The following CHDH variants were observed in gnomAD, a reference collection of about 807,000 sequenced individuals.
CHDH encodes choline dehydrogenase.
CHDH carries 43 observed loss-of-function variants against 56.9 expected under a neutral mutation model. The ratio of observed to expected loss-of-function variants is 0.76; its 90% CI spans 0.59 to 0.97. The LOEUF (loss-of-function observed/expected upper bound fraction) is 0.97. Among genes scored for constraint, CHDH ranks in the 50% least tolerant of loss-of-function variants. CHDH has a pLI of 0.00. For synonymous variants in CHDH, 364 were observed against 348.5 expected (o/e 1.04, Z -0.50); for missense variants, 816 against 821.1 (o/e 0.99, Z 0.08).
In CHDH at chr3:53,818,407, C is replaced by T. The variant is rs77681479; in HGVS notation, c.1367-212G>A. Reference sequence around the variant, plus strand: ...TGTAGCTCAAAGGTAGCATCCTACACGGACACAGCCCACCCAGAGGCCCAG... The same window carrying T: ...TGTAGCTCAAAGGTAGCATCCTACATGGACACAGCCCACCCAGAGGCCCAG... On this transcript the variant is annotated intron_variant, in intron 8 of 8. Transcript: ENST00000315251. Among the ~76,000 whole-genome samples the T allele has an allele frequency of 6.5e-3, 985 of 152,298 alleles. 9 individuals are homozygous for T. The highest frequency in any genetic ancestry group is 0.022 in the African/African-American group (933 of 41,560).
At chr3:53,818,617 C>T (rs543443053) in intron 8 of CHDH, among the ~76,000 whole-genome samples, 1 of 152,264 alleles carries the variant, frequency 6.6e-6, no homozygotes, top group South Asian at 2.1e-4. Flanking sequence ...AGAGACTGCT[C>T]AGAGTGACAA....
Position 53,815,345 on chromosome 3 carries a change from A to G in CHDH, c.*2432T>C, listed in dbSNP as rs1204688335. On this transcript the variant is annotated 3_prime_UTR_variant, in exon 9 of 9. Transcript: ENST00000315251. The stretch of plus-strand genomic sequence containing the variant: ...TGGGGGGGTACCCTCTGTGCACCCC[A>G]CTTTGTAGCAAGTGCCTTTCTCCCC... 1.3e-5 allele frequency: 2 copies of G among 152,218 alleles called. No homozygotes were observed. Among genetic ancestry groups the G allele is most frequent in the African/African-American group, 2.4e-5 (1 of 41,448 alleles). The allele number at this position is 152,218 out of a possible 1,614,324, so 9.4% of individuals were successfully genotyped here. A position where few individuals can be genotyped will look rare whatever the true frequency, so the allele number is the denominator to read the frequency against.
rs760502555 is a variant in CHDH at position 53,821,772 on chromosome 3, T to C, written c.860A>G (p.Tyr287Cys). Residue 287 changes from tyrosine (Y) to cysteine (C), a missense_variant, in exon 5 of 9, where the codon TAT becomes TGT. By Grantham distance (194) the Tyr-to-Cys change is radical. Coordinates refer to ENST00000315251, the MANE Select transcript of CHDH (RefSeq NM_018397.5). Reference sequence around the variant, plus strand: ...ACTCAGAATCACCTCCTTGCTGGCATAAGCCTGGAAGAGGTCCAGCCAGGT... The same window carrying C: ...ACTCAGAATCACCTCCTTGCTGGCACAAGCCTGGAAGAGGTCCAGCCAGGT... ...YVKNGQSHRA[Y>C]ASKEVILSGG... 1.2e-5 allele frequency: 19 copies of C among 1,613,772 alleles called. No individual in the cohort carries two copies. The highest frequency in any genetic ancestry group is 1.5e-5 in the Non-Finnish European group (18 of 1,179,878).
chr3:53,844,695 A>G (rs1698795343), intron 1 of CHDH: 1 of 152,560 alleles, frequency 6.6e-6, no homozygotes, highest in Non-Finnish European at 1.5e-5. Context: ...GGCCCACAGC[A>G]CAGAATCAGA....
chr3:53,825,532 G>C (rs2095637494), intron 2 of CHDH, among the ~76,000 whole-genome samples: 2 of 152,112 alleles, frequency 1.3e-5, no homozygotes, highest in Admixed American at 1.3e-4. Context: ...AAGAGGGGAA[G>C]AGAGAAAAAA....
chr3:53,820,006 C>G (rs1369928998), intron 6 of CHDH, among the ~76,000 whole-genome samples: 2 of 152,366 alleles, frequency 1.3e-5, no homozygotes, highest in Middle Eastern at 6.8e-3. Flanking sequence ...GTGAGAAATA[C>G]AGACTGAGTG....
chr3:53,839,084 G>T (rs530385249), intron 2 of CHDH, among the ~76,000 whole-genome samples: 1 of 152,320 alleles, frequency 6.6e-6, no homozygotes, highest in East Asian at 1.9e-4. Flanking sequence ...ACCAGCAGAA[G>T]GAGAAAAAGA....
Position 53,823,847 on chromosome 3 carries a change from C to T in CHDH, c.162G>A (p.Val54=), listed in dbSNP as rs1484506662. The T allele has an allele frequency of 6.3e-7, 1 of 1,586,964 alleles. No homozygotes were observed. Among genetic ancestry groups the T allele is most frequent in the Non-Finnish European group, 8.5e-7 (1 of 1,174,488 alleles). The change falls in exon 3 of 9, where the codon GTG becomes GTA. Residue 54 remains valine (V), a synonymous_variant. Transcript: ENST00000315251. The stretch of plus-strand genomic sequence containing the variant: ...GGTCCTCCGTGAGCCTCCCAGCCAG[C>T]ACGCAGCCCGCCGAGCCCGCGCCCA... The part of the protein sequence containing the change: ...VVVGAGSAGC[V]LAGRLTEDPA...
In CHDH at chr3:53,818,911, C is replaced by A. The variant is rs770848022; in HGVS notation, c.1366+27G>T. On this transcript the variant is annotated intron_variant, in intron 8 of 8. Coordinates refer to ENST00000315251, the MANE Select transcript of CHDH (RefSeq NM_018397.5). ...CACAAAGGCATTCGTTTGTTCAAGC[C>A]CAGGAAGACACAGGTGGGTGAAGTA... 29 of 1,423,232 alleles carry A rather than the reference C, an allele frequency of 2.0e-5. No individual in the cohort carries two copies. The African/African-American group carries it at 3.2e-4, about 16-fold the overall frequency. The allele number at this position is 1,423,232 out of a possible 1,614,324, so 88.2% of individuals were successfully genotyped here.
chr3:53,836,186 C>T (rs1007724266), intron 2 of CHDH, among the ~76,000 whole-genome samples: 7 of 152,150 alleles, frequency 4.6e-5, no homozygotes, highest in African/African-American at 1.7e-4. Context: ...GGCCCAGAGG[C>T]GGTGGTGGTC....
rs1006573722 is a variant in CHDH, at chr3:53,815,463, CACTT to C, written c.*2310_*2313del. Reference sequence around the variant, plus strand: ...GAACGCTCAGGTTCTGGACATGTGACACTTACCATCTTTTCTTTTAAACCTCATT... The same window carrying C: ...GAACGCTCAGGTTCTGGACATGTGACACCATCTTTTCTTTTAAACCTCATT... On this transcript the variant is annotated 3_prime_UTR_variant, in exon 9 of 9. Transcript: ENST00000315251. 6.6e-6 allele frequency: 1 copy of C among 152,362 alleles called. No homozygotes were observed. Among genetic ancestry groups the C allele is most frequent in the Non-Finnish European group, 1.5e-5 (1 of 68,050 alleles). 9.4% of individuals were successfully genotyped at this position (152,362 alleles called of 1,614,324 possible).
intron 2 of CHDH, among the ~76,000 whole-genome samples, chr3:53,833,054 T>A (rs191175799): frequency 4.6e-4 from 70 of 152,320 alleles, no homozygotes; most frequent in African/African-American, 1.6e-3. Context: ...CTGGGGGTTT[T>A]CATTTGCACC....
In CHDH at chr3:53,816,231, T is replaced by G. The variant is rs2095615860; in HGVS notation, c.*1546A>C. 6.8e-6 allele frequency: 1 copy of G among 148,084 alleles called. No individual in the cohort carries two copies. Among genetic ancestry groups the G allele is most frequent in the Non-Finnish European group, 1.5e-5 (1 of 67,408 alleles). 9.2% of individuals were successfully genotyped at this position (148,084 alleles called of 1,614,324 possible). ...TTTCCTCCCGTCCTTATTCTGGGCC[T>G]AGTATAGCTGCAGGTTTCCACGCAA... On this transcript the variant is annotated 3_prime_UTR_variant, in exon 9 of 9. Transcript: ENST00000315251.
intron 2 of CHDH, among the ~76,000 whole-genome samples, chr3:53,835,964 A>C (rs1698481942): frequency 6.6e-6 from 1 of 152,182 alleles, no homozygotes; most frequent in South Asian, 2.1e-4. Context: ...CACAGAAGCC[A>C]AAAGGTCATA....
intron 2 of CHDH, among the ~76,000 whole-genome samples, chr3:53,827,116 T>C (rs2095640434): frequency 6.6e-6 from 1 of 152,108 alleles, no homozygotes; most frequent in African/African-American, 2.4e-5. Flanking sequence ...CCCCATCTGA[T>C]ATGGTTTGGA....
chr3:53,831,454 A>C (rs1475875148), intron 2 of CHDH, among the ~76,000 whole-genome samples: 2 of 152,264 alleles, frequency 1.3e-5, no homozygotes, highest in Admixed American at 1.3e-4. Flanking sequence ...GGCCTTGGGC[A>C]AGACCCAGTC....
chr3:53,828,162 G>GACACACACACACAC lies in CHDH; in HGVS notation c.-59-4109_-59-4096dup, dbSNP rs60594351. The stretch of plus-strand genomic sequence containing the variant: ...TCAACAAAGGGAGCTGGAATAACTA[G>GACACACACACACAC]ACACACACACACACACACACACACA... On this transcript the variant is annotated intron_variant, in intron 2 of 8. Coordinates refer to ENST00000315251, the MANE Select transcript of CHDH (RefSeq NM_018397.5). Among the ~76,000 whole-genome samples, 1,321 of 145,222 alleles carry GACACACACACACAC rather than the reference G, an allele frequency of 9.1e-3. 24 individuals carry two copies. Among genetic ancestry groups the GACACACACACACAC allele is most frequent in the Admixed American group, 0.052 (756 of 14,522 alleles).
In CHDH at chr3:53,823,409, G is replaced by A. The variant is rs200697233; in HGVS notation, c.600C>T (p.Cys200=). 1.1e-5 allele frequency: 18 copies of A among 1,597,850 alleles called. No individual in the cohort carries two copies. The East Asian group carries it at 1.4e-4, about 12-fold the overall frequency. The part of the protein sequence containing the change: ...SRGKTNHPLH[C]AFLEATQQAG... ...CCTGCTGCGTGGCCTCCAGGAATGC[G>A]CAGTGCAGCGGGTGGTTGGTCTTGC... Residue 200 remains cysteine (C), a synonymous_variant, in exon 3 of 9, where the codon TGC becomes TGT. Coordinates refer to ENST00000315251, the MANE Select transcript of CHDH (RefSeq NM_018397.5).
At chr3:53,826,035 CT>C (rs572826618) in intron 2 of CHDH, among the ~76,000 whole-genome samples, 61 of 152,046 alleles carry the variant, frequency 4.0e-4, no homozygotes, top group Non-Finnish European at 6.8e-4. Flanking sequence ...ATGAAATGGA[CT>C]AATTCCTTGA....
Sources: allele counts gnomAD v4.1 joint callset (sites outside exome capture counted in the v4.1 genomes callset), GRCh38; gene constraint gnomAD v4.1.1; transcripts MANE v1.5; gene names NCBI Gene and HGNC (gene_info 2026-07-23, HGNC 2026-07-21).